Variants in MYO1D observed in about 807,000 individuals in gnomAD.
MYO1D encodes myosin ID.
Under a neutral mutation model 122.0 loss-of-function variants are expected in MYO1D, and 83 were observed. The observed-to-expected ratio is 0.68, with a 90% CI of 0.57 to 0.82. MYO1D has a LOEUF of 0.82. Among genes scored for constraint, MYO1D ranks in the 40% least tolerant of loss-of-function variants. The probability of loss-of-function intolerance (pLI) is 0.00; values close to 1 mark genes in which losing one functional copy is unlikely to be tolerated. For synonymous variants in MYO1D, 464 were observed against 446.9 expected (o/e 1.04, Z -0.48); for missense variants, 1,157 against 1,269.5 (o/e 0.91, Z 1.35).
In MYO1D at chr17:32,492,830, T is replaced by C. The variant is rs559873080; in HGVS notation, c.*1929A>G. 6.6e-6 allele frequency: 1 copy of C among 152,546 alleles called. No individual in the cohort carries two copies. Among genetic ancestry groups the C allele is most frequent in the African/African-American group, 2.4e-5 (1 of 41,482 alleles). 9.4% of individuals were successfully genotyped at this position (152,546 alleles called of 1,614,324 possible). On this transcript the variant is annotated 3_prime_UTR_variant, in exon 22 of 22. Coordinates refer to ENST00000318217, the MANE Select transcript of MYO1D (RefSeq NM_015194.3). ...CCTAAATTCCTGATCCTTTTGCAGT[T>C]GCCACATACTGTGGCTTTTAGTACA...
At chr17:32,637,111 G>A (rs2640832) in intron 20 of MYO1D, among the ~76,000 whole-genome samples, 107,206 of 152,122 alleles carry the variant, frequency 0.7, 37,880 homozygotes, top group Middle Eastern at 0.77. Flanking sequence ...AGGGAAAACA[G>A]CTTCGGTTCA....
At chr17:32,578,736 G>A (rs2087300971) in intron 21 of MYO1D, among the ~76,000 whole-genome samples, 1 of 152,160 alleles carries the variant, frequency 6.6e-6, no homozygotes, top group East Asian at 1.9e-4. Flanking sequence ...CTCCTTTAAT[G>A]CGGAGGCATT....
At chr17:32,540,254 C>T (rs948395037) in intron 21 of MYO1D, among the ~76,000 whole-genome samples, 11 of 140,224 alleles carry the variant, frequency 7.8e-5, no homozygotes, top group Non-Finnish European at 1.2e-4. Context: ...TGCTTGAACT[C>T]AGGAGGGAGA....
intron 1 of MYO1D, among the ~76,000 whole-genome samples, chr17:32,806,810 T>C (rs2090517771): frequency 6.6e-6 from 1 of 152,240 alleles, no homozygotes; most frequent in African/African-American, 2.4e-5. Context: ...GTTCCTTGCT[T>C]GTTCACCATG....
chr17:32,532,994 G>T (rs1910559893), intron 21 of MYO1D, among the ~76,000 whole-genome samples: 1 of 152,110 alleles, frequency 6.6e-6, no homozygotes, highest in Non-Finnish European at 1.5e-5. Context: ...TATTGAATAA[G>T]ATCATGATGG....
chr17:32,771,655 C>A (rs528614121), intron 5 of MYO1D, among the ~76,000 whole-genome samples: 1 of 152,324 alleles, frequency 6.6e-6, no homozygotes, highest in Admixed American at 6.5e-5. Flanking sequence ...CTGAATCACA[C>A]TGGAAACAAA....
At chr17:32,585,589 G>T (rs949585676) in intron 21 of MYO1D, among the ~76,000 whole-genome samples, 3 of 152,050 alleles carry the variant, frequency 2.0e-5, no homozygotes, top group Non-Finnish European at 2.9e-5. Context: ...AATTAGCCAG[G>T]TGTGGTAGCG....
intron 17 of MYO1D, among the ~76,000 whole-genome samples, chr17:32,655,790 G>A (rs958414582): frequency 2.0e-5 from 3 of 152,174 alleles, no homozygotes; most frequent in Admixed American, 6.5e-5. Flanking sequence ...CTTTAAAAGG[G>A]TCATTGTGGT....
intron 1 of MYO1D, among the ~76,000 whole-genome samples, chr17:32,851,003 A>G (rs2090982315): frequency 1.3e-5 from 2 of 152,126 alleles, no homozygotes; most frequent in South Asian, 4.2e-4. Context: ...ATGAAAAACA[A>G]CAACAACAAC....
intron 1 of MYO1D, among the ~76,000 whole-genome samples, chr17:32,827,794 CA>C (rs2090736325): frequency 6.6e-6 from 1 of 151,800 alleles, no homozygotes; most frequent in East Asian, 1.9e-4. Flanking sequence ...TCTTTTATGC[CA>C]AAGCAATGAG....
At chr17:32,706,088 A>T (rs2089305315) in intron 16 of MYO1D, among the ~76,000 whole-genome samples, 1 of 152,164 alleles carries the variant, frequency 6.6e-6, no homozygotes, top group African/African-American at 2.4e-5. Context: ...TTCTTGACTG[A>T]ACCTTCTACA....
At chr17:32,784,264 G>A (rs887208311) in intron 1 of MYO1D, among the ~76,000 whole-genome samples, 2 of 152,118 alleles carry the variant, frequency 1.3e-5, no homozygotes, top group Admixed American at 6.5e-5. Flanking sequence ...TCCCAAGAGC[G>A]CCATGTCTTC....
intron 20 of MYO1D, among the ~76,000 whole-genome samples, chr17:32,609,493 A>G (rs976123902): frequency 1.2e-4 from 18 of 152,132 alleles, no homozygotes; most frequent in Admixed American, 9.8e-4. Context: ...CACCTTAACA[A>G]TTTACAGATT....
intron 1 of MYO1D, among the ~76,000 whole-genome samples, chr17:32,864,289 G>T (rs2091105357): frequency 6.6e-6 from 1 of 151,662 alleles, no homozygotes; most frequent in Admixed American, 6.6e-5. Context: ...ACAGATTACA[G>T]ATTTTTTTTT....
At chr17:32,787,793 G>T (rs1166895155) in intron 1 of MYO1D, among the ~76,000 whole-genome samples, 1 of 152,014 alleles carries the variant, frequency 6.6e-6, no homozygotes. Context: ...TATCATTCTT[G>T]TGCCTTTGCA....
At chr17:32,571,266 A>C (rs1326052113) in intron 21 of MYO1D, among the ~76,000 whole-genome samples, 4 of 152,080 alleles carry the variant, frequency 2.6e-5, no homozygotes, top group Non-Finnish European at 4.4e-5. Context: ...CGGGTAAAGA[A>C]AACCTCATTG....
intron 21 of MYO1D, among the ~76,000 whole-genome samples, chr17:32,534,031 T>C (rs1910588113): frequency 6.6e-6 from 1 of 152,246 alleles, no homozygotes; most frequent in African/African-American, 2.4e-5. Flanking sequence ...TCATAGCTAC[T>C]TAAATAGGAT....
chr17:32,846,983 T>C (rs766554409), intron 1 of MYO1D, among the ~76,000 whole-genome samples: 14 of 152,170 alleles, frequency 9.2e-5, no homozygotes, highest in Middle Eastern at 3.4e-3. Flanking sequence ...CGAGACCCTG[T>C]TTCAAACAAA....
intron 21 of MYO1D, among the ~76,000 whole-genome samples, chr17:32,601,296 A>G (rs1438279406): frequency 6.6e-6 from 1 of 152,174 alleles, no homozygotes; most frequent in Non-Finnish European, 1.5e-5. Context: ...TTGAACATTT[A>G]AAAGCCACTG....
Sources: gnomAD v4.1 joint callset for allele counts (sites outside exome capture counted in the v4.1 genomes callset) on GRCh38, gnomAD v4.1.1 for gene constraint, MANE v1.5 for transcripts, NCBI Gene and HGNC (gene_info 2026-07-23, HGNC 2026-07-21) for gene names.